PIK3C2G: variants seen among roughly 807,000 people sequenced by gnomAD.
PIK3C2G encodes the protein phosphatidylinositol-4-phosphate 3-kinase catalytic subunit type 2 gamma.
In PIK3C2G, 168 loss-of-function variants were observed where a neutral mutation model predicts 181.1. That is an observed-to-expected ratio of 0.93 (90% CI 0.82 to 1.05). PIK3C2G has a LOEUF of 1.05. Among genes scored for constraint, PIK3C2G ranks in the 50% least tolerant of loss-of-function variants. PIK3C2G has a pLI of 0.00. For synonymous variants in PIK3C2G, 573 were observed against 592.2 expected, an observed-to-expected ratio of 0.97 and a Z score of 0.47; for missense variants, 1,869 against 1,732.8, an observed-to-expected ratio of 1.08 and a Z score of -1.40.
At chr12:18,287,761 G>T (rs71461088) in intron 3 of PIK3C2G, among the ~76,000 whole-genome samples, 1 of 152,014 alleles carries the variant, frequency 6.6e-6, no homozygotes, top group Non-Finnish European at 1.5e-5. Context: ...ATACTTGGGA[G>T]GCTGAGGCAG....
intron 2 of PIK3C2G, among the ~76,000 whole-genome samples, chr12:18,283,936 A>G (rs957074300): frequency 6.6e-5 from 10 of 152,140 alleles, no homozygotes; most frequent in Non-Finnish European, 1.0e-4. Context: ...GGGTAATTTC[A>G]TGCTGCTATG....
chr12:18,589,995 A>G (rs540672175), intron 29 of PIK3C2G, among the ~76,000 whole-genome samples: 3 of 151,912 alleles, frequency 2.0e-5, no homozygotes, highest in African/African-American at 7.2e-5. Context: ...CAGTGGTTAC[A>G]TAAGTGAGCC....
chr12:18,530,750 T>C (rs1378522890), intron 24 of PIK3C2G, among the ~76,000 whole-genome samples: 1 of 152,078 alleles, frequency 6.6e-6, no homozygotes, highest in African/African-American at 2.4e-5. Flanking sequence ...ACTGGTTGTT[T>C]AAAAATGTGT....
chr12:18,407,455 C>T (rs983501273), intron 16 of PIK3C2G, among the ~76,000 whole-genome samples: 2 of 152,036 alleles, frequency 1.3e-5, no homozygotes, highest in Non-Finnish European at 2.9e-5. Flanking sequence ...ACATTGAAAC[C>T]CATTTGTTTA....
chr12:18,389,567 T>C (rs1943407611), intron 14 of PIK3C2G, among the ~76,000 whole-genome samples: 1 of 152,190 alleles, frequency 6.6e-6, no homozygotes. Context: ...ATAATAGATA[T>C]TACTTATATC....
At chr12:18,295,472 G>T (rs899348223) in intron 5 of PIK3C2G, among the ~76,000 whole-genome samples, 7 of 151,920 alleles carry the variant, frequency 4.6e-5, no homozygotes, top group Non-Finnish European at 1.0e-4. Context: ...ATGCCATCCA[G>T]AAAGCAATTG....
At chr12:18,459,281 G>A (rs1947797236) in intron 18 of PIK3C2G, among the ~76,000 whole-genome samples, 1 of 152,130 alleles carries the variant, frequency 6.6e-6, no homozygotes, top group Non-Finnish European at 1.5e-5. Flanking sequence ...AGAAGAGCAA[G>A]CATTTGGCAG....
intron 19 of PIK3C2G, among the ~76,000 whole-genome samples, chr12:18,489,250 G>C (rs1340684092): frequency 6.6e-6 from 1 of 151,930 alleles, no homozygotes; most frequent in African/African-American, 2.4e-5. Flanking sequence ...CAACACTCTA[G>C]ATGCAGGGAG....
chr12:18,506,839 AAAT>A (rs1230813539), intron 24 of PIK3C2G, among the ~76,000 whole-genome samples: 2 of 152,140 alleles, frequency 1.3e-5, no homozygotes, highest in Admixed American at 6.6e-5. Context: ...TCAATATAAG[AAAT>A]AATAATATTT....
chr12:18,396,676 T>C (rs1216105352), intron 15 of PIK3C2G, among the ~76,000 whole-genome samples: 1 of 151,720 alleles, frequency 6.6e-6, no homozygotes, highest in Non-Finnish European at 1.5e-5. Context: ...TTTTGAAATG[T>C]TACTTACTGT....
Position 18,561,772 on chromosome 12 carries a change from A to G in PIK3C2G, c.3591-931A>G, listed in dbSNP as rs141910989. On this transcript the variant is annotated intron_variant, in intron 26 of 32. Transcript: ENST00000538779. ...ACAAAAAAAAACCTTTAAAAAGCAG[A>G]GACAACAAAAATAAAAACACCAAAA... Among the ~76,000 whole-genome samples the G allele has an allele frequency of 4.9e-3, 739 of 152,148 alleles. 8 individuals are homozygous for G. The highest frequency in any genetic ancestry group is 0.017 in the African/African-American group (700 of 41,570).
the PIK3C2G span, among the ~76,000 whole-genome samples, chr12:18,726,617 G>C: frequency 0.46 from 69,434 of 151,968 alleles, 19,399 homozygotes; most frequent in East Asian, 0.68. Flanking sequence ...TTCAGAAACA[G>C]AATGAAGGCT....
intron 17 of PIK3C2G, among the ~76,000 whole-genome samples, chr12:18,422,153 T>C (rs1248354026): frequency 2.0e-5 from 3 of 152,066 alleles, no homozygotes; most frequent in African/African-American, 7.2e-5. Context: ...GGAATGTCAT[T>C]GAGACCCATA....
intron 9 of PIK3C2G, among the ~76,000 whole-genome samples, chr12:18,339,018 G>T (rs1359960019): frequency 6.6e-6 from 1 of 151,988 alleles, no homozygotes; most frequent in Non-Finnish European, 1.5e-5. Flanking sequence ...AATTTTTGTG[G>T]TATCTTTTGC....
the PIK3C2G span, chr12:18,701,689 T>TA: frequency 6.2e-7 from 1 of 1,610,370 alleles, no homozygotes; most frequent in Non-Finnish European, 8.5e-7. Flanking sequence ...TCCTCCACCT[T>TA]ACCACGCTTA....
chr12:18,639,551 C>G (rs1032540699), intron 31 of PIK3C2G, among the ~76,000 whole-genome samples: 2 of 152,174 alleles, frequency 1.3e-5, no homozygotes, highest in African/African-American at 4.8e-5. Context: ...ACCATTTACT[C>G]TACAGTTGGT....
At chr12:18,336,223 A>G (rs1241720303) in intron 8 of PIK3C2G, among the ~76,000 whole-genome samples, 1 of 152,104 alleles carries the variant, frequency 6.6e-6, no homozygotes, top group Non-Finnish European at 1.5e-5. Flanking sequence ...ATCTTTACAG[A>G]AACTTATTTA....
intron 18 of PIK3C2G, among the ~76,000 whole-genome samples, chr12:18,454,730 T>G (rs1947537088): frequency 6.6e-6 from 1 of 152,152 alleles, no homozygotes; most frequent in Admixed American, 6.6e-5. Flanking sequence ...CCAGATGTAG[T>G]CAGATTCTAT....
chr12:18,717,377 G>A, the PIK3C2G span, among the ~76,000 whole-genome samples: 1 of 152,086 alleles, frequency 6.6e-6, no homozygotes, highest in African/African-American at 2.4e-5. Context: ...TGAAATTAGA[G>A]AAGCAGCAAT....
Sources: gnomAD v4.1 joint callset for allele counts (sites outside exome capture counted in the v4.1 genomes callset) on GRCh38, gnomAD v4.1.1 for gene constraint, MANE v1.5 for transcripts, NCBI Gene and HGNC (gene_info 2026-07-23, HGNC 2026-07-21) for gene names.